The following DYNC2LI1 variants were observed in gnomAD, a reference collection of about 807,000 sequenced individuals.
DYNC2LI1 encodes the protein cytoplasmic dynein 2 light intermediate chain 1.
A neutral mutation model predicts 51.9 loss-of-function variants in DYNC2LI1; 45 were observed. That is an observed-to-expected ratio of 0.87 (90% CI 0.68 to 1.11). DYNC2LI1 has a LOEUF of 1.11. Ranked by LOEUF, DYNC2LI1 falls within the 50% of genes most tolerant of loss-of-function variation. The probability of loss-of-function intolerance (pLI) is 0.00; values close to 1 mark genes in which losing one functional copy is unlikely to be tolerated. For missense variants in DYNC2LI1, 490 were observed against 417.4 expected, an observed-to-expected ratio of 1.17 and a Z score of -1.51; for synonymous variants, 130 against 137.8, an observed-to-expected ratio of 0.94 and a Z score of 0.40.
chr2:43,806,117 C>T (rs1468604287), intron 12 of DYNC2LI1, among the ~76,000 whole-genome samples: 2 of 152,216 alleles, frequency 1.3e-5, no homozygotes, highest in Middle Eastern at 3.4e-3. Context: ...CTCCTGACCT[C>T]GTGATCCATC....
At chr2:43,826,125 A>G in the DYNC2LI1 span, among the ~76,000 whole-genome samples, 1 of 149,898 alleles carries the variant, frequency 6.7e-6, no homozygotes, top group African/African-American at 2.4e-5. Context: ...ACAGATATGC[A>G]CCACCATGCC....
intron 2 of DYNC2LI1, among the ~76,000 whole-genome samples, chr2:43,782,947 A>C (rs541549049): frequency 6.6e-6 from 1 of 152,288 alleles, no homozygotes; most frequent in East Asian, 1.9e-4. Context: ...ATGCCACTGC[A>C]CTCCAGCCTT....
chr2:43,812,076 G>T (rs563825139), downstream of DYNC2LI1, among the ~76,000 whole-genome samples: 3 of 151,872 alleles, frequency 2.0e-5, no homozygotes, highest in South Asian at 6.3e-4. Context: ...ACAGGGTCTT[G>T]CTCTGTCTCT....
At chr2:43,822,781 C>A in the DYNC2LI1 span, 1 of 1,614,034 alleles carries the variant, frequency 6.2e-7, no homozygotes. Flanking sequence ...CCTGGGTGAA[C>A]TGAACAACCC....
chr2:43,816,963 TAA>T, the DYNC2LI1 span, among the ~76,000 whole-genome samples: 1 of 152,138 alleles, frequency 6.6e-6, no homozygotes, highest in East Asian at 1.9e-4. Flanking sequence ...CCTTTGTGTT[TAA>T]AAGAGAAGGG....
the DYNC2LI1 span, among the ~76,000 whole-genome samples, chr2:43,823,172 C>T: frequency 6.6e-6 from 1 of 152,170 alleles, no homozygotes; most frequent in Non-Finnish European, 1.5e-5. Flanking sequence ...ATTTCCTTCT[C>T]TCTAAAGTGG....
intron 5 of DYNC2LI1, among the ~76,000 whole-genome samples, chr2:43,791,017 C>G (rs560341859): frequency 3.0e-4 from 46 of 152,138 alleles, no homozygotes; most frequent in African/African-American, 1.0e-3. Context: ...GAGTTCAAGA[C>G]CAGCCTGGGC....
At chr2:43,813,490 A>AT (rs1236404189), downstream of DYNC2LI1, among the ~76,000 whole-genome samples, 2 of 152,160 alleles carry the variant, frequency 1.3e-5, no homozygotes, top group Non-Finnish European at 2.9e-5. Context: ...TCATTTGAAG[A>AT]TGGACATGCT....
chr2:43,817,907 C>A, the DYNC2LI1 span, among the ~76,000 whole-genome samples: 1 of 151,880 alleles, frequency 6.6e-6, no homozygotes, highest in African/African-American at 2.4e-5. Flanking sequence ...GCGATTCCCT[C>A]TCAAAACAAA....
At chr2:43,814,295 C>A (rs1666677944), downstream of DYNC2LI1, among the ~76,000 whole-genome samples, 1 of 152,156 alleles carries the variant, frequency 6.6e-6, no homozygotes, top group Non-Finnish European at 1.5e-5. Flanking sequence ...AGGAGACTAA[C>A]TTGACTACTG....
At chr2:43,806,665 G>A (rs1666269861) in intron 12 of DYNC2LI1, among the ~76,000 whole-genome samples, 1 of 152,140 alleles carries the variant, frequency 6.6e-6, no homozygotes, top group Non-Finnish European at 1.5e-5. Flanking sequence ...TGTTTATATT[G>A]TATAATGATC....
downstream of DYNC2LI1, among the ~76,000 whole-genome samples, chr2:43,811,911 A>T (rs1434554268): frequency 6.6e-6 from 1 of 152,030 alleles, no homozygotes; most frequent in East Asian, 1.9e-4. Context: ...ATTTTTAATA[A>T]CCTATTTACA....
intron 10 of DYNC2LI1, 87 bp from the exon 11 acceptor site, chr2:43,804,555 T>C: frequency 1.2e-6 from 1 of 857,330 alleles, no homozygotes; most frequent in Non-Finnish European, 1.8e-6. Context: ...CCGAGATGTA[T>C]ACCTTTGTTA....
At chr2:43,812,892 C>T (rs1666555672), downstream of DYNC2LI1, 3 of 551,930 alleles carry the variant, frequency 5.4e-6, no homozygotes, top group East Asian at 9.2e-5. Context: ...TCACAATTTC[C>T]AAATAACCAC....
intron 10 of DYNC2LI1, 71 bp downstream of exon 10, chr2:43,801,780 CT>C: frequency 8.6e-7 from 1 of 1,165,310 alleles, no homozygotes; most frequent in Admixed American, 1.9e-5. Flanking sequence ...TCCATGTTCA[CT>C]TTGTCTCCAA....
At chr2:43,826,529 C>T in the DYNC2LI1 span, 2 of 1,614,176 alleles carry the variant, frequency 1.2e-6, no homozygotes. Flanking sequence ...CCTCTGCCAG[C>T]AAAGAAGGGC....
chr2:43,812,787 C>T, downstream of DYNC2LI1: 1 of 275,358 alleles, frequency 3.6e-6, no homozygotes. Context: ...TTTAAGCTGA[C>T]CTATTTTTTT....
chr2:43,807,763 AAAAAAAAAAAG>A (rs1241491510), intron 12 of DYNC2LI1, among the ~76,000 whole-genome samples: 11 of 151,258 alleles, frequency 7.3e-5, no homozygotes, highest in Non-Finnish European at 1.6e-4. Flanking sequence ...AAAAAAAAAA[AAAAAAAAAAAG>A]GTTACAGTTA....
chr2:43,823,894 C>A, the DYNC2LI1 span: 1 of 1,612,612 alleles, frequency 6.2e-7, no homozygotes, highest in Non-Finnish European at 8.5e-7. Context: ...AGGTGCACCT[C>A]CAGCACGTGG....
Sources: gnomAD v4.1 joint callset for allele counts (sites outside exome capture counted in the v4.1 genomes callset) on GRCh38, gnomAD v4.1.1 for gene constraint, MANE v1.5 for transcripts, NCBI Gene and HGNC (gene_info 2026-07-23, HGNC 2026-07-21) for gene names.